DOCK4: variants seen among roughly 807,000 people sequenced by gnomAD.
DOCK4 encodes the protein dedicator of cytokinesis protein 4.
Under a neutral mutation model 268.1 loss-of-function variants are expected in DOCK4, and 97 were observed. The observed-to-expected ratio is 0.36, with a 90% CI of 0.31 to 0.43. The LOEUF (loss-of-function observed/expected upper bound fraction) is 0.43, where lower values mean the gene tolerates loss of function less well. Ranked by LOEUF, DOCK4 falls within the 20% of genes least tolerant of loss-of-function variation. DOCK4 has a pLI of 1.00. For synonymous variants in DOCK4, 954 were observed against 887.2 expected (o/e 1.08, Z -1.34); for missense variants, 2,145 against 2,455.7 (o/e 0.87, Z 2.67).
chr7:111,756,661 C>T (rs374578113), intron 41 of DOCK4, among the ~76,000 whole-genome samples: 9 of 152,076 alleles, frequency 5.9e-5, no homozygotes, highest in African/African-American at 2.2e-4. Flanking sequence ...GTTTTAGTAT[C>T]TACGCCTCAT....
chr7:111,786,988 A>C (rs952430996), intron 32 of DOCK4, among the ~76,000 whole-genome samples: 1 of 152,190 alleles, frequency 6.6e-6, no homozygotes, highest in African/African-American at 2.4e-5. Context: ...AAAGTATAAA[A>C]ATCTCTATTG....
At chr7:111,734,546 C>T (rs541499725) in intron 51 of DOCK4, among the ~76,000 whole-genome samples, 38 of 152,210 alleles carry the variant, frequency 2.5e-4, no homozygotes, top group Admixed American at 1.6e-3. Context: ...CAACCCTTTG[C>T]GAAATATAGT....
intron 23 of DOCK4, among the ~76,000 whole-genome samples, chr7:111,857,774 C>T (rs1326849035): frequency 6.6e-6 from 1 of 152,220 alleles, no homozygotes; most frequent in African/African-American, 2.4e-5. Flanking sequence ...CTACCCGCTA[C>T]ACTTCCTCCT....
At chr7:112,062,389 G>A (rs1310294918) in intron 1 of DOCK4, among the ~76,000 whole-genome samples, 1 of 152,310 alleles carries the variant, frequency 6.6e-6, no homozygotes, top group East Asian at 1.9e-4. Flanking sequence ...CTAAGGGACG[G>A]TTCATTCTCC....
chr7:111,814,011 C>T (rs752521165), intron 27 of DOCK4, among the ~76,000 whole-genome samples: 13 of 152,218 alleles, frequency 8.5e-5, no homozygotes, highest in Non-Finnish European at 1.3e-4. Context: ...AGTCCCACTA[C>T]ACCTGGGGTT....
rs982465782 is a variant in DOCK4 at position 112,206,311 on chromosome 7, T to C, written c.-173A>G. 4.5e-6 allele frequency: 3 copies of C among 662,700 alleles called. No homozygotes were observed. Among genetic ancestry groups the C allele is most frequent in the Non-Finnish European group, 7.6e-6 (3 of 395,934 alleles). The allele number at this position is 662,700 out of a possible 1,614,324, so 41.1% of individuals were successfully genotyped here. On this transcript the variant is annotated 5_prime_UTR_variant, in exon 1 of 53. Transcript: ENST00000428084. ...AGGCTCCCGAGCCCAGCGTTGACAC[T>C]GCGCCGCCCGCAGCTCTCCCGGCGG...
intron 42 of DOCK4, among the ~76,000 whole-genome samples, chr7:111,748,321 A>AT: frequency 1.3e-5 from 2 of 152,194 alleles, no homozygotes; most frequent in Non-Finnish European, 2.9e-5. Context: ...AAAGACAAAG[A>AT]GAAGGGAAGA....
chr7:112,040,064 C>A (rs2135501750), intron 1 of DOCK4, among the ~76,000 whole-genome samples: 1 of 152,264 alleles, frequency 6.6e-6, no homozygotes, highest in East Asian at 1.9e-4. Flanking sequence ...AAAATAGACT[C>A]TCTCTATATG....
rs116609271 is a variant in DOCK4 at position 112,179,244 on chromosome 7, G to A, written c.37+26858C>T. Among the ~76,000 whole-genome samples the A allele has an allele frequency of 9.5e-3, 1,447 of 152,106 alleles. 19 individuals carry two copies. Among genetic ancestry groups the A allele is most frequent in the African/African-American group, 0.032 (1,327 of 41,468 alleles). On this transcript the variant is annotated intron_variant, in intron 1 of 52. Transcript: ENST00000428084. ...CTCTACAAAAAATAAAAATTTTCCC[G>A]GTGTGGTGGCATATGCCTGTAATCC...
intron 23 of DOCK4, among the ~76,000 whole-genome samples, chr7:111,862,551 C>T (rs1311695221): frequency 3.2e-4 from 42 of 130,170 alleles, no homozygotes; most frequent in African/African-American, 1.0e-3. Flanking sequence ...AGTGCAGTGG[C>T]GCCATCTCAG....
intron 1 of DOCK4, among the ~76,000 whole-genome samples, chr7:112,072,246 C>G (rs981441990): frequency 1.3e-5 from 2 of 151,866 alleles, no homozygotes; most frequent in Non-Finnish European, 2.9e-5. Flanking sequence ...AAAAATCTAT[C>G]TATAACCAGA....
chr7:111,742,518 A>G (rs1795986704), intron 44 of DOCK4, among the ~76,000 whole-genome samples: 3 of 149,062 alleles, frequency 2.0e-5, no homozygotes, highest in Non-Finnish European at 4.4e-5. Flanking sequence ...AGGGCCGGCA[A>G]TTCTCCCTTA....
intron 41 of DOCK4, 104 bp from the exon 42 acceptor site, chr7:111,755,705 G>T: frequency 2.0e-6 from 2 of 1,016,342 alleles, no homozygotes; most frequent in Non-Finnish European, 1.5e-6. Context: ...GCTTATTCCT[G>T]TCAGCCTTTC....
At chr7:111,856,728 G>C (rs1046993497) in intron 23 of DOCK4, among the ~76,000 whole-genome samples, 1 of 152,206 alleles carries the variant, frequency 6.6e-6, no homozygotes, top group East Asian at 1.9e-4. Flanking sequence ...GAGGGAACCA[G>C]AGGGGAATAC....
chr7:111,760,736 TTTTGTGTGTGTGTGTGTGTGTGTG>T (rs1271739391), intron 39 of DOCK4, among the ~76,000 whole-genome samples: 1,610 of 123,184 alleles, frequency 0.013, 37 homozygotes, highest in African/African-American at 0.047. Context: ...GTTGTCTGCT[TTTTGTGTGTGTGTGTGTGTGTGTG>T]TGTGTGTGTG....
At chr7:111,891,553 C>T (rs903467677) in intron 16 of DOCK4, among the ~76,000 whole-genome samples, 1 of 152,194 alleles carries the variant, frequency 6.6e-6, no homozygotes, top group African/African-American at 2.4e-5. Flanking sequence ...CAGTGATCAT[C>T]CTTGAATCAC....
At chr7:111,841,574 T>TA (rs35979850) in intron 25 of DOCK4, among the ~76,000 whole-genome samples, 393 of 148,264 alleles carry the variant, frequency 2.7e-3, no homozygotes, top group African/African-American at 9.2e-3. Context: ...TGAGTACTCT[T>TA]AAAAAAAAAA....
intron 37 of DOCK4, 98 bp downstream of exon 37, chr7:111,769,431 G>A (rs1797975245): frequency 6.9e-7 from 1 of 1,451,948 alleles, no homozygotes; most frequent in African/African-American, 1.4e-5. Flanking sequence ...GAGGATCCCT[G>A]CTTAAGGAGG....
chr7:112,095,643 G>A (rs1810053939), intron 1 of DOCK4, among the ~76,000 whole-genome samples: 2 of 152,056 alleles, frequency 1.3e-5, no homozygotes, highest in African/African-American at 4.8e-5. Flanking sequence ...TTGATGTAGA[G>A]AAGGACAAAA....
Sources: allele counts gnomAD v4.1 joint callset (sites outside exome capture counted in the v4.1 genomes callset), GRCh38; gene constraint gnomAD v4.1.1; transcripts MANE v1.5; gene names NCBI Gene and HGNC (gene_info 2026-07-23, HGNC 2026-07-21).